Variants in ZNF554 observed in about 807,000 individuals in gnomAD.
The protein encoded by ZNF554 is zinc finger protein 554.
ZNF554 carries 15 observed loss-of-function variants against 21.2 expected under a neutral mutation model. The observed-to-expected ratio is 0.71, with a 90% confidence interval of 0.47 to 1.09. ZNF554 has a LOEUF of 1.09. Among genes scored for constraint, ZNF554 ranks in the 50% least tolerant of loss-of-function variants. ZNF554 has a pLI of 0.00. For synonymous variants in ZNF554, 258 were observed against 251.4 expected (o/e 1.03, Z -0.25); for missense variants, 691 against 662.7 (o/e 1.04, Z -0.47).
Position 2,834,159 on chromosome 19 carries a change from T to A in ZNF554, c.924T>A (p.Gly308=). ...AAAATGGGCAGTCATTGAACCACGG[T>A]ATGGCCCTGACTATCCACAACAAAA... The part of the protein sequence containing the change: ...YLENGQSLNH[G]MALTIHNKIN... The change falls in exon 5 of 5, where the codon GGT becomes GGA. Residue 308 remains glycine (G), a synonymous_variant. Coordinates refer to ENST00000317243, the MANE Select transcript of ZNF554 (RefSeq NM_001102651.2). The A allele has an allele frequency of 6.2e-7, 1 of 1,613,992 alleles. No individual in the cohort carries two copies. Among genetic ancestry groups the A allele is most frequent in the Admixed American group, 1.7e-5 (1 of 60,012 alleles).
chr19:2,832,583 G>A, intron 4 of ZNF554, 89 bp downstream of exon 4: 1 of 1,351,230 alleles, frequency 7.4e-7, no homozygotes, highest in Non-Finnish European at 1.0e-6. Context: ...CCCTGATTCT[G>A]TAAGGAGAAT....
Position 2,832,317 on chromosome 19 carries a change from C to G in ZNF554, c.268C>G (p.Gln90Glu). ...GTCTTTTTCAGAAGCCTTGAAGAAC[C>G]AATGTACTGATGTGGGGATTAAAGA... ...NVVSLEALKNQCTDVGIKEGP... is the reference protein window; with the variant it reads ...NVVSLEALKNECTDVGIKEGP... Residue 90 changes from glutamine (Q) to glutamate (E), a missense_variant, in exon 4 of 5, where the codon CAA becomes GAA. By Grantham distance (29) the Gln-to-Glu change is conservative (BLOSUM62 2). Transcript: ENST00000317243. The G allele has an allele frequency of 6.3e-7, 1 of 1,597,390 alleles. No homozygotes were observed. Among genetic ancestry groups the G allele is most frequent in the Non-Finnish European group, 8.5e-7 (1 of 1,174,884 alleles).
chr19:2,829,339 A>G (rs1171881507), intron 3 of ZNF554, among the ~76,000 whole-genome samples: 3 of 152,102 alleles, frequency 2.0e-5, no homozygotes, highest in Non-Finnish European at 4.4e-5. Context: ...AGCCTGGGCG[A>G]CAGAGCGAGA....
At chr19:2,827,872 A>G in intron 3 of ZNF554, 129 bp downstream of exon 3, 1 of 1,151,418 alleles carries the variant, frequency 8.7e-7, no homozygotes, top group Non-Finnish European at 1.2e-6. Flanking sequence ...GGTTTAATGG[A>G]CTCAGTTCCA....
At chr19:2,823,430 A>G (rs7359886) in intron 2 of ZNF554, among the ~76,000 whole-genome samples, 120,391 of 152,036 alleles carry the variant, frequency 0.79, 48,024 homozygotes, top group East Asian at 1. Context: ...AATGAGGTAT[A>G]CAGACAAGTG....
At position 2,827,904 on chromosome 19, in the gene ZNF554, A is replaced by G. The variant is rs184576421; in HGVS notation, c.253+161A>G. Reference sequence around the variant, plus strand: ...TCCACATGGCCGGGGAGGGCTCACAATCATGGTGGAAGGCGAATGAGGAAC... The same window carrying G: ...TCCACATGGCCGGGGAGGGCTCACAGTCATGGTGGAAGGCGAATGAGGAAC... On this transcript the variant is annotated intron_variant, in intron 3 of 4. Coordinates refer to ENST00000317243, the MANE Select transcript of ZNF554 (RefSeq NM_001102651.2). Among the ~76,000 whole-genome samples the G allele has an allele frequency of 1.5e-4, 23 of 152,312 alleles. No homozygotes were observed. In the East Asian group the frequency reaches 4.4e-3, roughly 29 times the overall value.
rs1383717198 is a variant in ZNF554, at chr19:2,835,149, C to A, written c.*297C>A. ...AGGTAGCTAGTACTATAGGTGTGCACCACCACGCCCAGCAAATTTTTAAAT... is the reference window on the plus strand; with the variant it reads ...AGGTAGCTAGTACTATAGGTGTGCAACACCACGCCCAGCAAATTTTTAAAT... On this transcript the variant is annotated 3_prime_UTR_variant, in exon 5 of 5. Coordinates refer to ENST00000317243, the MANE Select transcript of ZNF554 (RefSeq NM_001102651.2). 3.6e-6 allele frequency: 1 copy of A among 277,130 alleles called. No homozygotes were observed. Among genetic ancestry groups the A allele is most frequent in the Non-Finnish European group, 6.9e-6 (1 of 145,266 alleles). 17.2% of individuals were successfully genotyped at this position (277,130 alleles called of 1,614,324 possible).
Position 2,833,961 on chromosome 19 carries a change from C to G in ZNF554, c.726C>G (p.Asn242Lys). The G allele has an allele frequency of 6.2e-7, 1 of 1,614,084 alleles. No homozygotes were observed. The highest frequency in any genetic ancestry group is 1.1e-5 in the South Asian group (1 of 91,084). The change falls in exon 5 of 5, where the codon AAC becomes AAG. Residue 242 changes from asparagine to lysine, a missense_variant. Transcript: ENST00000317243. ...TATCACAGGGAAGCTCTAAAGGGAA[C>G]CACTTGTGTGGCAGCGAGTTAGATA... ...LVLSQGSSKG[N>K]HLCGSELDIT...
At position 2,834,461 on chromosome 19, in the gene ZNF554, A is replaced by AAT. The variant is rs2087470078; in HGVS notation, c.1227_1228dup (p.Cys410TyrfsTer15). 6 of 1,614,044 alleles carry AAT rather than the reference A, an allele frequency of 3.7e-6. No individual in the cohort carries two copies. Among genetic ancestry groups the AAT allele is most frequent in the Non-Finnish European group, 5.1e-6 (6 of 1,180,018 alleles). ...ATTCACACCGGGGAAAAGCCCTATAAATGTGAAGACTGTGGGAAATCCTTC... is the reference window on the plus strand; with the variant it reads ...ATTCACACCGGGGAAAAGCCCTATAAATATGTGAAGACTGTGGGAAATCCTTC... On this transcript the variant is annotated frameshift_variant, in exon 5 of 5. Transcript: ENST00000317243. LOFTEE classifies it low-confidence loss of function (END_TRUNC).
rs764871417 is a variant in ZNF554 at position 2,827,597 on chromosome 19, G to T, written c.127-20G>T. On this transcript the variant is annotated intron_variant, in intron 2 of 4. Transcript: ENST00000317243. ...GGTGGCGATGGACCCATCTTGAGCAGAACTGCTGTGATATTCTAGGAATTA... is the reference window on the plus strand; with the variant it reads ...GGTGGCGATGGACCCATCTTGAGCATAACTGCTGTGATATTCTAGGAATTA... 1 of 1,610,566 alleles carries T rather than the reference G, an allele frequency of 6.2e-7. No homozygotes were observed. Among genetic ancestry groups the T allele is most frequent in the Non-Finnish European group, 8.5e-7 (1 of 1,178,408 alleles).
At position 2,834,737 on chromosome 19, in the gene ZNF554, T is replaced by G; in HGVS notation, c.1502T>G (p.Phe501Cys). The change falls in exon 5 of 5, where the codon TTC (phenylalanine) becomes TGC (cysteine). Residue 501 changes from phenylalanine to cysteine, a missense_variant. Coordinates refer to ENST00000317243, the MANE Select transcript of ZNF554 (RefSeq NM_001102651.2). ...AGGTGTCAGGAATGTGGGAAAGCCT[T>G]CAGCCAGAGCTCATCCCTTGTCACA... The part of the protein sequence containing the change: ...PYRCQECGKA[F>C]SQSSSLVTHQ... The G allele has an allele frequency of 1.2e-6, 2 of 1,614,086 alleles. No homozygotes were observed. Among genetic ancestry groups the G allele is most frequent in the Non-Finnish European group, 1.7e-6 (2 of 1,179,976 alleles).
chr19:2,835,491 T>C lies in ZNF554; in HGVS notation c.*639T>C, dbSNP rs2087488029. Reference sequence around the variant, plus strand: ...CGTCTCAAAAAAAAAAAAAAAATTATAGAGTTGGGGTCTTGCTACATTGCC... The same window carrying C: ...CGTCTCAAAAAAAAAAAAAAAATTACAGAGTTGGGGTCTTGCTACATTGCC... On this transcript the variant is annotated 3_prime_UTR_variant, in exon 5 of 5. Transcript: ENST00000317243. 6.8e-6 allele frequency: 1 copy of C among 147,888 alleles called. No homozygotes were observed. Among genetic ancestry groups the C allele is most frequent in the Non-Finnish European group, 1.5e-5 (1 of 67,206 alleles). The allele number at this position is 147,888 out of a possible 1,614,324, so 9.2% of individuals were successfully genotyped here.
In ZNF554 at chr19:2,836,303, A is replaced by G. The variant is rs1168086889; in HGVS notation, c.*1451A>G. Among the ~76,000 whole-genome samples the G allele has an allele frequency of 8.0e-5, 12 of 149,284 alleles. No individual in the cohort carries two copies. Among genetic ancestry groups the G allele is most frequent in the Admixed American group, 2.0e-4 (3 of 15,100 alleles). ...GCGCGAGCCACTGTGCTGGGATTAC[A>G]GGTGTGAGCCACCCTGCTGGGATTA... On this transcript the variant is annotated 3_prime_UTR_variant, in exon 5 of 5. Transcript: ENST00000317243.
Position 2,834,818 on chromosome 19 carries a change from C to T in ZNF554, c.1583C>T (p.Ala528Val), listed in dbSNP as rs367609998. The T allele has an allele frequency of 1.4e-5, 23 of 1,602,780 alleles. No homozygotes were observed. Among genetic ancestry groups the T allele is most frequent in the East Asian group, 2.2e-5 (1 of 44,634 alleles). Residue 528 changes from alanine (A) to valine (V), a missense_variant, in exon 5 of 5, where the codon GCG (alanine) becomes GTG (valine). By Grantham distance (64) the Ala-to-Val change is moderately conservative. Transcript: ENST00000317243. ...KTYKIIDCGK[A>V]FYQNRHLIGY is the part of the protein sequence containing the mutation. ...TATAAAATCATTGACTGTGGGAAAG[C>T]GTTCTACCAGAACAGACATCTTATT... is the stretch of plus-strand genomic sequence containing the variant.
At position 2,827,720 on chromosome 19, in the gene ZNF554, A is replaced by G; in HGVS notation, c.230A>G (p.Asn77Ser). ...CTGTACAGAGAGGTGATGCTGGAGA[A>G]CTACAGGAACGTGGTCTCCCTGGGT... ...KNLYREVMLE[N>S]YRNVVSLEAL... is the part of the protein sequence containing the mutation. Residue 77 changes from asparagine (N) to serine (S), a missense_variant, in exon 3 of 5, where the codon AAC becomes AGC. Transcript: ENST00000317243. The G allele has an allele frequency of 6.2e-7, 1 of 1,613,890 alleles. No individual in the cohort carries two copies.
intron 2 of ZNF554, among the ~76,000 whole-genome samples, chr19:2,826,499 G>C (rs2087336367): frequency 1.3e-5 from 2 of 151,980 alleles, no homozygotes; most frequent in Admixed American, 6.6e-5. Context: ...ACAGTGCCCA[G>C]CCAACTTTTA....
In ZNF554 at chr19:2,836,074, C is replaced by A. The variant is rs2087493127; in HGVS notation, c.*1222C>A. On this transcript the variant is annotated 3_prime_UTR_variant, in exon 5 of 5. Transcript: ENST00000317243. ...CTGGTCTCAAACTCCTGAGCTCAAGCAATCCACCCACCTTGGCCTCCCAAA... is the reference window on the plus strand; with the variant it reads ...CTGGTCTCAAACTCCTGAGCTCAAGAAATCCACCCACCTTGGCCTCCCAAA... Among the ~76,000 whole-genome samples, 1 of 152,052 alleles carries A rather than the reference C, an allele frequency of 6.6e-6. No individual in the cohort carries two copies. The highest frequency in any genetic ancestry group is 1.9e-4 in the East Asian group (1 of 5,158).
chr19:2,823,207 A>T lies in ZNF554; in HGVS notation c.126+95A>T, dbSNP rs77163538. On this transcript the variant is annotated intron_variant, in intron 2 of 4. Coordinates refer to ENST00000317243, the MANE Select transcript of ZNF554 (RefSeq NM_001102651.2). ...TCCTCGATAGAGGAGACCCCTTGCTATGTGAAAGTTCAGGAGAATTCCCCA... is the reference window on the plus strand; with the variant it reads ...TCCTCGATAGAGGAGACCCCTTGCTTTGTGAAAGTTCAGGAGAATTCCCCA... The T allele has an allele frequency of 5.3e-5, 68 of 1,274,242 alleles. 1 individual carries two copies. In the African/African-American group the frequency reaches 9.2e-4, roughly 17 times the overall value. The allele number at this position is 1,274,242 out of a possible 1,614,324, so 78.9% of individuals were successfully genotyped here. A position where few individuals can be genotyped will look rare whatever the true frequency, so the allele number is the denominator to read the frequency against.
rs1377251689 is a variant in ZNF554, at chr19:2,821,535, A to T, written c.53+1411A>T. Reference sequence around the variant, plus strand: ...TGCTTCTGAAGGCTCTGGCGGGAGGATCTTCTCTGTCTCTTCCAGCTTCTG... The same window carrying T: ...TGCTTCTGAAGGCTCTGGCGGGAGGTTCTTCTCTGTCTCTTCCAGCTTCTG... On this transcript the variant is annotated intron_variant, in intron 1 of 4. Coordinates refer to ENST00000317243, the MANE Select transcript of ZNF554 (RefSeq NM_001102651.2). This position sits in a 1 kb window ranked among gnomAD's most constrained non-coding sequence, Gnocchi z 8.2. Among the ~76,000 whole-genome samples the T allele has an allele frequency of 6.6e-6, 1 of 151,694 alleles. No individual in the cohort carries two copies. Among genetic ancestry groups the T allele is most frequent in the Non-Finnish European group, 1.5e-5 (1 of 67,996 alleles).
Sources: gnomAD v4.1 joint callset for allele counts (sites outside exome capture counted in the v4.1 genomes callset) on GRCh38, gnomAD v4.1.1 for gene constraint, Gnocchi (gnomAD v3.1) non-coding constraint, MANE v1.5 for transcripts, NCBI Gene and HGNC (gene_info 2026-07-23, HGNC 2026-07-21) for gene names.